ANKRD36C: variants seen among roughly 807,000 people sequenced by gnomAD.
ANKRD36C encodes ankyrin repeat domain 36C.
ANKRD36C carries 61 observed loss-of-function variants against 276.4 expected under a neutral mutation model. The ratio of observed to expected loss-of-function variants is 0.22; its 90% confidence interval spans 0.18 to 0.27. ANKRD36C has a LOEUF of 0.27. Among genes scored for constraint, ANKRD36C ranks in the 10% least tolerant of loss-of-function variants. The pLI, the probability that ANKRD36C is intolerant of heterozygous loss-of-function variation, is 1.00. For synonymous variants in ANKRD36C, 483 were observed against 680.1 expected, an observed-to-expected ratio of 0.71 and a Z score of 4.51; for missense variants, 1,447 against 2,032.3, an observed-to-expected ratio of 0.71 and a Z score of 5.54.
chr2:95,976,009 C>T (rs1159906251), intron 6 of ANKRD36C, among the ~76,000 whole-genome samples: 10 of 151,816 alleles, frequency 6.6e-5, no homozygotes, highest in Admixed American at 6.6e-4. Context: ...TTTATGCAGC[C>T]AAAAAAACAC....
In ANKRD36C at chr2:95,912,147, G is replaced by A. The variant is rs996607344; in HGVS notation, c.2653+97C>T. On this transcript the variant is annotated intron_variant, in intron 42 of 66. Transcript: ENST00000456556. ...GAAGAATCTCAGGCCTGCTGAATCA[G>A]AATGTGCAGCTTCGACCAGCCCCCC... The A allele has an allele frequency of 2.7e-6, 4 of 1,477,412 alleles. No individual in the cohort carries two copies. The African/African-American group carries it at 4.2e-5, about 16-fold the overall frequency. The allele number at this position is 1,477,412 out of a possible 1,614,324, so 91.5% of individuals were successfully genotyped here. A position where few individuals can be genotyped will look rare whatever the true frequency, so the allele number is the denominator to read the frequency against.
intron 24 of ANKRD36C, among the ~76,000 whole-genome samples, chr2:95,935,122 C>G (rs1677680242): frequency 6.6e-6 from 1 of 152,300 alleles, no homozygotes; most frequent in African/African-American, 2.4e-5. Flanking sequence ...AGGTAAAGGA[C>G]AGTATTGCAA....
chr2:95,877,151 A>T (rs1380767516), intron 58 of ANKRD36C, among the ~76,000 whole-genome samples: 1 of 150,878 alleles, frequency 6.6e-6, no homozygotes, highest in Non-Finnish European at 1.5e-5. Flanking sequence ...TTTACTTCAC[A>T]ATAGTACCTT....
In ANKRD36C at chr2:95,912,098, A is replaced by G. The variant is rs1012233948; in HGVS notation, c.2653+146T>C. On this transcript the variant is annotated intron_variant, in intron 42 of 66. Coordinates refer to ENST00000456556, the Ensembl canonical transcript of ANKRD36C. ...CATGTTCCAGACCAGCAGCATCAGC[A>G]TAACCCAAGAACTTATTAGAAATGA... The G allele has an allele frequency of 3.4e-5, 41 of 1,206,076 alleles. No homozygotes were observed. In the Middle Eastern group the frequency reaches 1.1e-3, roughly 33 times the overall value. 74.7% of individuals were successfully genotyped at this position (1,206,076 alleles called of 1,614,324 possible). A position where few individuals can be genotyped will look rare whatever the true frequency, so the allele number is the denominator to read the frequency against.
chr2:95,893,856 T>C (rs1175822387), intron 44 of ANKRD36C, 132 bp from the exon 63 acceptor site: 6 of 1,488,750 alleles, frequency 4.0e-6, no homozygotes, highest in African/African-American at 2.8e-5. Flanking sequence ...TTCTACTTTG[T>C]GTCTGGGGAC....
intron 42 of ANKRD36C, among the ~76,000 whole-genome samples, chr2:95,909,671 A>T (rs1676852898): frequency 1.3e-5 from 2 of 148,538 alleles, no homozygotes; most frequent in South Asian, 4.3e-4. Context: ...CATTTCTGTA[A>T]CTAAAATCAA....
In ANKRD36C at chr2:95,858,470, T is replaced by G. The variant is rs13388030; in HGVS notation, c.3897-978A>C. On this transcript the variant is annotated intron_variant, in intron 61 of 66. Transcript: ENST00000456556. ...AAGTTTCTATTACTAGTAACTCTAG[T>G]AAATATTATGAAAAAGGATGTTGAA... Among the ~76,000 whole-genome samples, 4 of 143,168 alleles carry G rather than the reference T, an allele frequency of 2.8e-5. No homozygotes were observed. The East Asian group carries it at 6.0e-4, about 21-fold the overall frequency. 93.9% of individuals were successfully genotyped at this position (143,168 alleles called of 152,430 possible).
chr2:95,849,510 G>A (rs953233593), downstream of ANKRD36C, among the ~76,000 whole-genome samples: 1 of 152,160 alleles, frequency 6.6e-6, no homozygotes, highest in Non-Finnish European at 1.5e-5. Flanking sequence ...CACAGATGGG[G>A]GTTTGGGGGA....
At chr2:95,851,986 A>G (rs1675303234) in intron 65 of ANKRD36C, 140 bp downstream of exon 85, 2 of 1,102,518 alleles carry the variant, frequency 1.8e-6, no homozygotes, top group East Asian at 2.6e-5. Flanking sequence ...AAAATGATGT[A>G]TGTCAATATA....
At chr2:95,960,477 C>T (rs1193351902) in exon 10 of ANKRD36C, 2 of 1,538,998 alleles carry the variant, frequency 1.3e-6, no homozygotes, top group African/African-American at 2.7e-5. Flanking sequence ...AATTACCTGT[C>T]CCAGATTTTT....
At chr2:95,947,123 G>C (rs1364171475) in intron 17 of ANKRD36C, among the ~76,000 whole-genome samples, 2 of 151,966 alleles carry the variant, frequency 1.3e-5, no homozygotes, top group African/African-American at 4.8e-5. Flanking sequence ...AAAAATTTAA[G>C]AAAATTTAAT....
chr2:95,927,447 C>T (rs753509936), intron 26 of ANKRD36C, 38 bp from the exon 27 acceptor site: 1 of 1,604,216 alleles, frequency 6.2e-7, no homozygotes, highest in East Asian at 2.2e-5. Context: ...CTCACATGTA[C>T]ATATGATAAA....
chr2:95,991,658 G>A (rs1679146000), exon 1 of ANKRD36C: 8 of 1,613,970 alleles, frequency 5.0e-6, no homozygotes, highest in Non-Finnish European at 6.8e-6. Context: ...AGCCATCCGA[G>A]CACAAGCGGT....
rs1265559576 is a variant in ANKRD36C, at chr2:95,924,239, T to C, written c.2042-550A>G. Among the ~76,000 whole-genome samples the C allele has an allele frequency of 2.6e-5, 4 of 151,782 alleles. No homozygotes were observed. In the East Asian group the frequency reaches 7.8e-4, roughly 30 times the overall value. Reference sequence around the variant, plus strand: ...TGGATATATGGTTGGTGAATCCTAGTAGATAGTATTCATTATTTATCATAC... The same window carrying C: ...TGGATATATGGTTGGTGAATCCTAGCAGATAGTATTCATTATTTATCATAC... On this transcript the variant is annotated intron_variant, in intron 30 of 66. Transcript: ENST00000456556.
chr2:95,966,424 A>G (rs2104514574), intron 6 of ANKRD36C, among the ~76,000 whole-genome samples: 1 of 152,292 alleles, frequency 6.6e-6, no homozygotes, highest in East Asian at 1.9e-4. Flanking sequence ...TTAAATAGGG[A>G]ATCCTTACCC....
At chr2:95,926,016 A>G (rs1328924868) in intron 28 of ANKRD36C, among the ~76,000 whole-genome samples, 2 of 151,570 alleles carry the variant, frequency 1.3e-5, no homozygotes, top group Non-Finnish European at 3.0e-5. Context: ...CACAATGACA[A>G]TGACACTTTA....
At chr2:95,875,758 A>C (rs1227939996) in intron 59 of ANKRD36C, among the ~76,000 whole-genome samples, 2 of 152,174 alleles carry the variant, frequency 1.3e-5, no homozygotes, top group African/African-American at 4.8e-5. Context: ...TGACAGTGTT[A>C]TATATTTATA....
Position 95,914,165 on chromosome 2 carries a change from C to T in ANKRD36C, c.2494G>A (p.Glu832Lys), listed in dbSNP as rs755358903. ...CTGGCTATATTCAAAACAGAATCTTCCTCGTCACTTGTAGCCTGAATGGAA... is the reference window on the plus strand; with the variant it reads ...CTGGCTATATTCAAAACAGAATCTTTCTCGTCACTTGTAGCCTGAATGGAA... Residue 832 changes from glutamate to lysine, a missense_variant, in exon 40 of 67, where the codon GAA (glutamate) becomes AAA (lysine). By Grantham distance (56) the Glu-to-Lys change is moderately conservative (BLOSUM62 1). This residue lies in a region of ANKRD36C where 565 missense variants were observed against 539.5 expected (regional missense o/e 1.05). Transcript: ENST00000456556. The T allele has an allele frequency of 3.5e-5, 56 of 1,584,528 alleles. 1 individual carries two copies. The highest frequency in any genetic ancestry group is 3.4e-4 in the African/African-American group (25 of 74,242).
In ANKRD36C at chr2:95,960,625, T is replaced by A; in HGVS notation, c.930+14A>T. ...TACAGTTAATTATTCAAAATATGAA[T>A]GAGAGTATAATACCTTCAAGGCCGG... is the stretch of plus-strand genomic sequence containing the variant. On this transcript the variant is annotated intron_variant, in intron 9 of 66. Transcript: ENST00000456556. 7.4e-7 allele frequency: 1 copy of A among 1,352,698 alleles called. No individual in the cohort carries two copies. The allele number at this position is 1,352,698 out of a possible 1,614,324, so 83.8% of individuals were successfully genotyped here.
Sources: allele counts gnomAD v4.1 joint callset (sites outside exome capture counted in the v4.1 genomes callset), GRCh38; gene constraint gnomAD v4.1.1; regional missense constraint gnomAD v4.1.1; transcripts MANE v1.5; gene names NCBI Gene and HGNC (gene_info 2026-07-23, HGNC 2026-07-21).